Variants in TRAPPC9 observed in about 807,000 individuals in gnomAD.
TRAPPC9 encodes the protein trafficking protein particle complex subunit 9, also known as IKK2 binding protein.
TRAPPC9 carries 83 observed loss-of-function variants against 124.0 expected under a neutral mutation model. The ratio of observed to expected loss-of-function variants is 0.67; its 90% CI spans 0.56 to 0.80. TRAPPC9 has a LOEUF of 0.80. TRAPPC9 is among the 30% of genes least tolerant of loss of function. TRAPPC9 has a pLI of 0.00. For synonymous variants in TRAPPC9, 638 were observed against 617.5 expected, an observed-to-expected ratio of 1.03 and a Z score of -0.49; for missense variants, 1,302 against 1,508.3, an observed-to-expected ratio of 0.86 and a Z score of 2.27.
At chr8:139,904,666 G>A (rs944869559) in intron 20 of TRAPPC9, 2 of 152,222 alleles carry the variant, frequency 1.3e-5, no homozygotes, top group Non-Finnish European at 2.9e-5. Flanking sequence ...GAAAGGGGTA[G>A]GTACTACCTG....
At chr8:140,294,799 C>A (rs573879312) in intron 11 of TRAPPC9, among the ~76,000 whole-genome samples, 1 of 152,016 alleles carries the variant, frequency 6.6e-6, no homozygotes, top group South Asian at 2.1e-4. Flanking sequence ...TTAGTAGAGA[C>A]AGGGATTCAC....
intron 9 of TRAPPC9, among the ~76,000 whole-genome samples, chr8:140,323,306 T>C (rs1209976683): frequency 6.6e-6 from 1 of 152,164 alleles, no homozygotes; most frequent in Non-Finnish European, 1.5e-5. Flanking sequence ...TCCTTTACAA[T>C]AAACCAGTAA....
intron 2 of TRAPPC9, among the ~76,000 whole-genome samples, chr8:140,449,713 T>G (rs936986113): frequency 3.3e-5 from 5 of 152,210 alleles, no homozygotes; most frequent in African/African-American, 1.2e-4. Flanking sequence ...AATTCGACAC[T>G]GTGGCCATCA....
intron 17 of TRAPPC9, among the ~76,000 whole-genome samples, chr8:140,086,923 C>T (rs2130104692): frequency 6.6e-6 from 1 of 151,014 alleles, no homozygotes; most frequent in Non-Finnish European, 1.5e-5. Flanking sequence ...CAGAGTGAGA[C>T]TGTCTCAAAA....
chr8:140,311,518 G>A (rs1056946296), intron 9 of TRAPPC9, 144 bp from the exon 10 acceptor site: 32 of 904,372 alleles, frequency 3.5e-5, no homozygotes, highest in Non-Finnish European at 5.1e-5. Context: ...AAAGAGACCA[G>A]AACAAAGCAG....
At chr8:140,206,022 T>C (rs1731975358) in intron 17 of TRAPPC9, among the ~76,000 whole-genome samples, 1 of 152,206 alleles carries the variant, frequency 6.6e-6, no homozygotes, top group Non-Finnish European at 1.5e-5. Flanking sequence ...AAGTGTGTCA[T>C]TTGTTTTGAG....
chr8:140,344,001 C>T (rs2067265805), intron 9 of TRAPPC9, among the ~76,000 whole-genome samples: 1 of 152,118 alleles, frequency 6.6e-6, no homozygotes. Flanking sequence ...TCCTCACACA[C>T]ACCCTGTTAT....
At chr8:140,355,497 C>A (rs1312230132) in intron 9 of TRAPPC9, among the ~76,000 whole-genome samples, 1 of 152,152 alleles carries the variant, frequency 6.6e-6, no homozygotes. Flanking sequence ...AAACTTCCTA[C>A]CATGACTAAT....
At chr8:140,247,856 A>G (rs2064025235) in intron 16 of TRAPPC9, among the ~76,000 whole-genome samples, 1 of 152,108 alleles carries the variant, frequency 6.6e-6, no homozygotes, top group African/African-American at 2.4e-5. Context: ...AAAAAAATTT[A>G]TTCTATTACA....
chr8:139,732,789 C>T (rs60881123), intron 21 of TRAPPC9, among the ~76,000 whole-genome samples: 1 of 152,208 alleles, frequency 6.6e-6, no homozygotes, highest in Non-Finnish European at 1.5e-5. Flanking sequence ...GCCTGACACA[C>T]AGCTCAGCAC....
At chr8:140,421,240 A>C (rs2070192741) in intron 5 of TRAPPC9, among the ~76,000 whole-genome samples, 1 of 152,226 alleles carries the variant, frequency 6.6e-6, no homozygotes, top group African/African-American at 2.4e-5. Context: ...AAATACATGC[A>C]TGAACACACA....
chr8:139,905,430 G>GT (rs1425949856), intron 20 of TRAPPC9, among the ~76,000 whole-genome samples: 1 of 152,316 alleles, frequency 6.6e-6, no homozygotes, highest in East Asian at 1.9e-4. Context: ...TGGCGTGTGC[G>GT]TGACAGGAAG....
chr8:139,799,589 G>C (rs1302413393), intron 21 of TRAPPC9, among the ~76,000 whole-genome samples: 1 of 152,088 alleles, frequency 6.6e-6, no homozygotes, highest in Non-Finnish European at 1.5e-5. Flanking sequence ...AGTCTCACAG[G>C]GTTCCATCAG....
chr8:140,156,103 C>T (rs1258535439), intron 17 of TRAPPC9, among the ~76,000 whole-genome samples: 2 of 152,180 alleles, frequency 1.3e-5, no homozygotes, highest in East Asian at 3.9e-4. Flanking sequence ...GAAGGGGTAA[C>T]ATTCGATGCA....
intron 19 of TRAPPC9, among the ~76,000 whole-genome samples, chr8:139,970,758 C>G (rs946570453): frequency 1.3e-5 from 2 of 152,168 alleles, no homozygotes; most frequent in African/African-American, 4.8e-5. Context: ...AGGGCTGTGG[C>G]AGGGGTAGAG....
rs367642178 is a variant in TRAPPC9 at position 140,360,889 on chromosome 8, C to T, written c.1352-696G>A. 3.9e-5 allele frequency among the ~76,000 whole-genome samples: 6 copies of T among 152,270 alleles called. No homozygotes were observed. The East Asian group carries it at 7.7e-4, about 20-fold the overall frequency. On this transcript the variant is annotated intron_variant, in intron 8 of 22. Transcript: ENST00000438773. ...CGTAGCTGGGACTACAGTTACACAC[C>T]GCCATGCCCAACTACTTTTTTTTTT... is the stretch of plus-strand genomic sequence containing the variant.
chr8:139,992,554 C>A (rs751963451), intron 18 of TRAPPC9, among the ~76,000 whole-genome samples: 2 of 151,160 alleles, frequency 1.3e-5, no homozygotes, highest in African/African-American at 4.9e-5. Context: ...TATCTCTTTC[C>A]AAATTTCTAT....
chr8:140,023,871 A>C, intron 18 of TRAPPC9, 66 bp downstream of exon 18: 1 of 1,610,300 alleles, frequency 6.2e-7, no homozygotes, highest in Non-Finnish European at 8.5e-7. Flanking sequence ...CACTGAGGTC[A>C]GGATTCTGAA....
At chr8:139,938,973 G>A (rs527530124) in intron 19 of TRAPPC9, among the ~76,000 whole-genome samples, 55 of 152,342 alleles carry the variant, frequency 3.6e-4, no homozygotes, top group South Asian at 1.7e-3. Flanking sequence ...CCAAAGGAGA[G>A]AAATAAGACA....
Sources: gnomAD v4.1 joint callset for allele counts (sites outside exome capture counted in the v4.1 genomes callset) on GRCh38, gnomAD v4.1.1 for gene constraint, MANE v1.5 for transcripts, NCBI Gene and HGNC (gene_info 2026-07-23, HGNC 2026-07-21) for gene names.